Variants in LPA observed in about 807,000 individuals in gnomAD.
LPA encodes the protein lipoprotein(a), also known as apolipoprotein(a).
LPA carries 199 observed loss-of-function variants against 197.9 expected under a neutral mutation model. The ratio of observed to expected loss-of-function variants is 1.01; its 90% CI spans 0.90 to 1.13. The LOEUF (loss-of-function observed/expected upper bound fraction) is 1.13, where lower values mean the gene tolerates loss of function less well. Ranked by LOEUF, LPA falls within the 50% of genes most tolerant of loss-of-function variation. The pLI is 0.00. For synonymous variants in LPA, 715 were observed against 639.5 expected, an observed-to-expected ratio of 1.12 and a Z score of -1.78; for missense variants, 1,853 against 1,785.8, an observed-to-expected ratio of 1.04 and a Z score of -0.68.
chr6:160,586,349 A>G, intron 25 of LPA, 100 bp downstream of exon 25: 20 of 1,409,702 alleles, frequency 1.4e-5, no homozygotes, highest in Non-Finnish European at 1.9e-5. Flanking sequence ...TTCACCTTCG[A>G]CTTCCTGTGC....
intron 28 of LPA, among the ~76,000 whole-genome samples, chr6:160,569,964 T>C (rs1014312566): frequency 2.6e-5 from 4 of 152,060 alleles, no homozygotes; most frequent in Non-Finnish European, 5.9e-5. Flanking sequence ...AGAATGGTGA[T>C]CATTAAAAAG....
chr6:160,654,081 TTATA>T (rs568120559), intron 1 of LPA, among the ~76,000 whole-genome samples: 18 of 22,090 alleles, frequency 8.1e-4, no homozygotes, highest in Non-Finnish European at 1.1e-3. Flanking sequence ...ATAATATATA[TTATA>T]TATATTATAT....
chr6:160,534,817 G>T (rs1290614032), intron 37 of LPA, among the ~76,000 whole-genome samples: 1 of 152,144 alleles, frequency 6.6e-6, no homozygotes, highest in Non-Finnish European at 1.5e-5. Flanking sequence ...GATGGGGGTG[G>T]GAGAGAGGAA....
chr6:160,634,925 AC>A (rs1779778909), intron 7 of LPA, among the ~76,000 whole-genome samples, 197 bp downstream of exon 7: 1 of 150,184 alleles, frequency 6.7e-6, no homozygotes, highest in Admixed American at 6.6e-5. Context: ...CATTCTAAAG[AC>A]AAAGCCCACC....
At chr6:160,604,953 C>G (rs1375266995) in intron 18 of LPA, 93 bp downstream of exon 18, 2 of 1,569,424 alleles carry the variant, frequency 1.3e-6, no homozygotes, top group Non-Finnish European at 1.7e-6. Context: ...TCTGAGACAA[C>G]TTGAGTCCTG....
chr6:160,596,419 T>C (rs6913833), intron 20 of LPA, among the ~76,000 whole-genome samples: 60,610 of 151,022 alleles, frequency 0.4, 12,498 homozygotes, highest in African/African-American at 0.49. Flanking sequence ...TGTGTAGATA[T>C]TTAAGCTGTG....
intron 34 of LPA, 51 bp downstream of exon 34, chr6:160,542,636 TG>T: frequency 1.2e-6 from 2 of 1,610,840 alleles, no homozygotes; most frequent in Non-Finnish European, 1.7e-6. Flanking sequence ...AGAAGGGTTT[TG>T]TGGGGCTTAC....
At position 160,648,895 on chromosome 6, in the gene LPA, G is replaced by A. The variant is rs143642358; in HGVS notation, c.209+1443C>T. Among the ~76,000 whole-genome samples, 563 of 152,120 alleles carry A rather than the reference G, an allele frequency of 3.7e-3. 1 individual carries two copies. Among genetic ancestry groups the A allele is most frequent in the Non-Finnish European group, 6.3e-3 (426 of 67,998 alleles). ...TTCTAATCATTTCTGTCTCTTCTGG[G>A]TCTGTTTGTATTGGCTGATTTTCCT... On this transcript the variant is annotated intron_variant, in intron 2 of 38. Coordinates refer to ENST00000316300, the MANE Select transcript of LPA (RefSeq NM_005577.4).
intron 1 of LPA, among the ~76,000 whole-genome samples, chr6:160,659,035 C>T (rs1234113291): frequency 6.6e-6 from 1 of 152,066 alleles, no homozygotes; most frequent in Admixed American, 6.5e-5. Flanking sequence ...CCATAATAGG[C>T]CACCTGCAAT....
rs1451297119 is a variant in LPA, at chr6:160,600,790, C to T, written c.3127+127G>A. On this transcript the variant is annotated intron_variant, in intron 19 of 38. Coordinates refer to ENST00000316300, the MANE Select transcript of LPA (RefSeq NM_005577.4). The stretch of plus-strand genomic sequence containing the variant: ...CCAGAGAGTGCGCTAAGGCTTCCTC[C>T]CACATGGCAGACCCAGAACCAACAC... 3.6e-6 allele frequency: 4 copies of T among 1,096,092 alleles called. No individual in the cohort carries two copies. In the Admixed American group the frequency reaches 5.9e-5, roughly 16 times the overall value. 67.9% of individuals were successfully genotyped at this position (1,096,092 alleles called of 1,614,324 possible).
Position 160,553,039 on chromosome 6 carries a change from A to G in LPA, c.4973+2986T>C, listed in dbSNP as rs79462385. Among the ~76,000 whole-genome samples the G allele has an allele frequency of 3.3e-5, 5 of 152,246 alleles. No individual in the cohort carries two copies. In the East Asian group the frequency reaches 9.6e-4, roughly 29 times the overall value. ...CCACCTTAAACTATCACATTCAACC[A>G]TCTATTAATATTATATAACTTCATG... On this transcript the variant is annotated intron_variant, in intron 30 of 38. Transcript: ENST00000316300.
rs1777976593 is a variant in LPA, at chr6:160,541,200, A to G, written c.5520-19T>C. The G allele has an allele frequency of 6.3e-7, 1 of 1,579,698 alleles. No individual in the cohort carries two copies. The highest frequency in any genetic ancestry group is 8.7e-7 in the Non-Finnish European group (1 of 1,148,652). On this transcript the variant is annotated intron_variant, in intron 34 of 38. Transcript: ENST00000316300. ...TCCAAACCTAGAAAGAAAACATGCC[A>G]AGGCTTTGGTCAAATTGGATGGTTT...
chr6:160,582,917 C>T (rs1220825945), intron 26 of LPA, among the ~76,000 whole-genome samples: 1 of 152,070 alleles, frequency 6.6e-6, no homozygotes, highest in African/African-American at 2.4e-5. Flanking sequence ...GTTTGCACCA[C>T]CCTAATATTT....
At chr6:160,565,233 G>A (rs186830024) in intron 28 of LPA, among the ~76,000 whole-genome samples, 3 of 152,312 alleles carry the variant, frequency 2.0e-5, no homozygotes, top group African/African-American at 7.2e-5. Context: ...CCTCAAGTGG[G>A]TCCGTGACCC....
At chr6:160,664,022 T>A in intron 1 of LPA, 144 bp downstream of exon 1, 1 of 1,166,948 alleles carries the variant, frequency 8.6e-7, no homozygotes, top group Admixed American at 2.5e-5. Context: ...TTTTTAAGAA[T>A]TTTTCAATCA....
intron 28 of LPA, among the ~76,000 whole-genome samples, chr6:160,576,866 G>A (rs1258909184): frequency 6.6e-6 from 1 of 151,746 alleles, no homozygotes; most frequent in African/African-American, 2.4e-5. Flanking sequence ...CTGTGTTTAA[G>A]CTTTGGTCAT....
At chr6:160,610,008 T>C (rs938886809) in intron 16 of LPA, among the ~76,000 whole-genome samples, 2 of 152,212 alleles carry the variant, frequency 1.3e-5, no homozygotes, top group Admixed American at 6.5e-5. Flanking sequence ...TTAATTTGTC[T>C]TGATATGATA....
At chr6:160,631,990 C>CTG (rs1491553851) in intron 8 of LPA, among the ~76,000 whole-genome samples, 1 of 105,854 alleles carries the variant, frequency 9.4e-6, no homozygotes, top group East Asian at 4.7e-4. Flanking sequence ...GGTGTGTTTT[C>CTG]AGTGTGTGTG....
At chr6:160,596,132 C>T (rs1779127563) in intron 20 of LPA, among the ~76,000 whole-genome samples, 1 of 152,142 alleles carries the variant, frequency 6.6e-6, no homozygotes, top group Non-Finnish European at 1.5e-5. Flanking sequence ...TACAATTGTT[C>T]TCAAAATCTT....
Sources: allele counts gnomAD v4.1 joint callset (sites outside exome capture counted in the v4.1 genomes callset), GRCh38; gene constraint gnomAD v4.1.1; transcripts MANE v1.5; gene names NCBI Gene and HGNC (gene_info 2026-07-23, HGNC 2026-07-21).